Variants in SUGCT observed in about 807,000 individuals in gnomAD.
SUGCT encodes the protein succinyl-CoA:glutarate CoA-transferase.
In SUGCT, 41 loss-of-function variants were observed where a neutral mutation model predicts 55.0. The ratio of observed to expected loss-of-function variants is 0.74; its 90% CI spans 0.58 to 0.97. The LOEUF is 0.97. Among genes scored for constraint, SUGCT ranks in the 50% least tolerant of loss-of-function variants. The pLI, the probability that SUGCT is intolerant of heterozygous loss-of-function variation, is 0.00. For missense variants in SUGCT, 568 were observed against 547.8 expected (o/e 1.04, Z -0.37); for synonymous variants, 187 against 200.4 (o/e 0.93, Z 0.56).
At chr7:40,162,079 G>A (rs1343514430) in intron 1 of SUGCT, among the ~76,000 whole-genome samples, 2 of 151,904 alleles carry the variant, frequency 1.3e-5, no homozygotes, top group Non-Finnish European at 2.9e-5. Flanking sequence ...TGTATTTTTA[G>A]TAGAGACGGG....
intron 13 of SUGCT, among the ~76,000 whole-genome samples, chr7:40,789,705 G>T: frequency 6.6e-6 from 1 of 152,266 alleles, no homozygotes; most frequent in East Asian, 1.9e-4. Context: ...AGAGTCCCAA[G>T]AAATAGAGTC....
chr7:40,776,733 A>G (rs544389398), intron 13 of SUGCT, among the ~76,000 whole-genome samples: 1 of 152,294 alleles, frequency 6.6e-6, no homozygotes, highest in Non-Finnish European at 1.5e-5. Context: ...GTGTGAGCTA[A>G]AGCTGGCTGG....
At chr7:40,316,435 T>A (rs546549849) in intron 8 of SUGCT, among the ~76,000 whole-genome samples, 48 of 152,304 alleles carry the variant, frequency 3.2e-4, no homozygotes, top group African/African-American at 1.1e-3. Flanking sequence ...GTTGCTGATG[T>A]ATATTGCCAT....
intron 12 of SUGCT, among the ~76,000 whole-genome samples, chr7:40,511,181 C>T (rs907841179): frequency 1.3e-5 from 2 of 152,158 alleles, no homozygotes; most frequent in Non-Finnish European, 2.9e-5. Context: ...AGTCATCATA[C>T]ATCCCGAGAG....
chr7:40,361,873 G>T (rs1004763050), intron 9 of SUGCT, among the ~76,000 whole-genome samples: 1 of 152,000 alleles, frequency 6.6e-6, no homozygotes, highest in Non-Finnish European at 1.5e-5. Flanking sequence ...GGGATCTTAA[G>T]AAATATCCTG....
At chr7:40,538,674 G>A (rs1186133279) in intron 12 of SUGCT, 2 of 152,194 alleles carry the variant, frequency 1.3e-5, no homozygotes, top group African/African-American at 4.8e-5. Flanking sequence ...AGAATATGAA[G>A]GCTGAGCGTC....
rs1046766129 is a variant in SUGCT, at chr7:40,195,703, C to G, written c.484+643C>G. Among the ~76,000 whole-genome samples, 86 of 122,210 alleles carry G rather than the reference C, an allele frequency of 7.0e-4. 1 individual carries two copies. In the South Asian group the frequency reaches 0.02, roughly 29 times the overall value. 80.2% of individuals were successfully genotyped at this position (122,210 alleles called of 152,430 possible). On this transcript the variant is annotated intron_variant, in intron 6 of 13. Transcript: ENST00000335693. ...GCATAGGTGAATTTACAGTTGAAAA[C>G]AATTCTTTTTTTTTTTTTTTTTTTT... is the stretch of plus-strand genomic sequence containing the variant.
At chr7:40,777,598 T>G (rs1222911837) in intron 13 of SUGCT, among the ~76,000 whole-genome samples, 1 of 152,134 alleles carries the variant, frequency 6.6e-6, no homozygotes, top group Admixed American at 6.6e-5. Context: ...GGAGCTACAC[T>G]AGGAGCCAGC....
At chr7:40,799,377 G>A (rs1023541574) in intron 13 of SUGCT, among the ~76,000 whole-genome samples, 1 of 152,150 alleles carries the variant, frequency 6.6e-6, no homozygotes, top group Non-Finnish European at 1.5e-5. Flanking sequence ...AGCTTCTAAA[G>A]AAAGCATATA....
the SUGCT span, chr7:40,979,637 G>A: frequency 1.3e-5 from 2 of 152,174 alleles, no homozygotes; most frequent in Non-Finnish European, 2.9e-5. Flanking sequence ...TTTGTGGCCT[G>A]TCTACACAGC....
chr7:40,892,015 A>G, the SUGCT span, among the ~76,000 whole-genome samples: 2 of 152,142 alleles, frequency 1.3e-5, no homozygotes, highest in Non-Finnish European at 2.9e-5. Context: ...TCAACAAAAA[A>G]AAAAGAATAT....
intron 12 of SUGCT, among the ~76,000 whole-genome samples, chr7:40,707,233 T>A (rs969968024): frequency 7.8e-6 from 1 of 128,484 alleles, no homozygotes; most frequent in Non-Finnish European, 1.7e-5. Context: ...CAAAATCTAC[T>A]TTTTTTTTTT....
intron 12 of SUGCT, among the ~76,000 whole-genome samples, chr7:40,653,952 CT>C (rs957957377): frequency 7.9e-5 from 12 of 151,706 alleles, no homozygotes; most frequent in Non-Finnish European, 1.2e-4. Flanking sequence ...AAAGATCTTG[CT>C]TTCCTACTGG....
chr7:40,324,570 A>G (rs553933420), intron 9 of SUGCT, among the ~76,000 whole-genome samples: 2 of 152,090 alleles, frequency 1.3e-5, no homozygotes, highest in South Asian at 4.1e-4. Context: ...CATAGTTTTG[A>G]CCTTAAAAAG....
intron 5 of SUGCT, among the ~76,000 whole-genome samples, chr7:40,192,922 T>G (rs1347796975): frequency 1.3e-5 from 2 of 151,654 alleles, no homozygotes; most frequent in Non-Finnish European, 2.9e-5. Context: ...TATGAGCTAC[T>G]GTGCCTGGCC....
chr7:40,404,690 G>T (rs978512892), intron 9 of SUGCT, among the ~76,000 whole-genome samples: 10 of 152,158 alleles, frequency 6.6e-5, no homozygotes, highest in Admixed American at 6.5e-4. Context: ...GCCCACCATG[G>T]TCTCCCAAAG....
chr7:40,377,221 T>C (rs868784219), intron 9 of SUGCT, among the ~76,000 whole-genome samples: 2,311 of 15,604 alleles, frequency 0.15, 865 homozygotes, highest in Non-Finnish European at 0.44. Flanking sequence ...TTCTTTCTTT[T>C]CTTTCTTTCT....
chr7:40,502,244 A>G (rs1318507165), intron 12 of SUGCT, among the ~76,000 whole-genome samples: 3 of 152,114 alleles, frequency 2.0e-5, no homozygotes, highest in Non-Finnish European at 4.4e-5. Flanking sequence ...AATATATAGT[A>G]CAATCATTGA....
At chr7:40,358,389 G>A (rs889784627) in intron 9 of SUGCT, among the ~76,000 whole-genome samples, 1 of 152,076 alleles carries the variant, frequency 6.6e-6, no homozygotes, top group Non-Finnish European at 1.5e-5. Context: ...CTATTTCTAT[G>A]AGGCTCTTTA....
Sources: gnomAD v4.1 joint callset for allele counts (sites outside exome capture counted in the v4.1 genomes callset) on GRCh38, gnomAD v4.1.1 for gene constraint, MANE v1.5 for transcripts, NCBI Gene and HGNC (gene_info 2026-07-23, HGNC 2026-07-21) for gene names.